Variants in DLG2 observed in about 807,000 individuals in gnomAD.
DLG2 encodes the protein discs large MAGUK scaffold protein 2.
A neutral mutation model predicts 132.5 loss-of-function variants in DLG2; 45 were observed. The ratio of observed to expected loss-of-function variants is 0.34; its 90% CI spans 0.27 to 0.44. The LOEUF is 0.44. Ranked by LOEUF, DLG2 falls within the 20% of genes least tolerant of loss-of-function variation. The pLI is 1.00. For synonymous variants in DLG2, 424 were observed against 419.6 expected (o/e 1.01, Z -0.13); for missense variants, 1,045 against 1,196.9 (o/e 0.87, Z 1.87).
chr11:83,950,922 C>T (rs190911199), intron 14 of DLG2, among the ~76,000 whole-genome samples: 2 of 152,100 alleles, frequency 1.3e-5, no homozygotes, highest in Non-Finnish European at 2.9e-5. Context: ...GCCTGCCCCC[C>T]CCTCCACACT....
chr11:85,020,701 G>T (rs527844862), intron 6 of DLG2: 1 of 528,334 alleles, frequency 1.9e-6, no homozygotes, highest in Non-Finnish European at 3.6e-6. Context: ...AAATGGTGCT[G>T]GGAAAACTGG....
At chr11:84,128,042 T>C (rs549798916) in intron 9 of DLG2, among the ~76,000 whole-genome samples, 1 of 152,334 alleles carries the variant, frequency 6.6e-6, no homozygotes, top group Admixed American at 6.5e-5. Flanking sequence ...CAATGTTTGC[T>C]CAAAGGAGGC....
intron 7 of DLG2, among the ~76,000 whole-genome samples, chr11:84,491,078 A>G (rs2099163856): frequency 6.6e-6 from 1 of 152,028 alleles, no homozygotes. Context: ...CCACTCCCCA[A>G]CATAAAATCT....
intron 6 of DLG2, among the ~76,000 whole-genome samples, chr11:84,569,132 T>G (rs1194913979): frequency 6.6e-6 from 1 of 152,106 alleles, no homozygotes; most frequent in Non-Finnish European, 1.5e-5. Context: ...CCTACCAGTG[T>G]CAGAGCAAAG....
intron 6 of DLG2, among the ~76,000 whole-genome samples, chr11:85,042,462 C>G (rs1054402433): frequency 2.7e-5 from 4 of 148,490 alleles, no homozygotes; most frequent in Admixed American, 1.3e-4. Flanking sequence ...TTAGTGAAAA[C>G]TAAGATTTAA....
At chr11:85,572,581 C>G (rs118130994) in intron 3 of DLG2, among the ~76,000 whole-genome samples, 1 of 152,114 alleles carries the variant, frequency 6.6e-6, no homozygotes, top group South Asian at 2.1e-4. Flanking sequence ...ATGCATTTAT[C>G]TTTCTTTGCA....
intron 22 of DLG2, among the ~76,000 whole-genome samples, chr11:83,477,403 T>G (rs10501540): frequency 0.37 from 55,799 of 152,012 alleles, 10,317 homozygotes; most frequent in Middle Eastern, 0.46. Flanking sequence ...TGGTGCTAAA[T>G]ATAGTTGGAA....
At chr11:84,201,954 G>T (rs969397469) in intron 8 of DLG2, among the ~76,000 whole-genome samples, 1 of 150,516 alleles carries the variant, frequency 6.6e-6, no homozygotes, top group Non-Finnish European at 1.5e-5. Context: ...GAGTAGCTGG[G>T]ACTACAGGTG....
intron 4 of DLG2, among the ~76,000 whole-genome samples, chr11:85,253,939 T>C (rs2076533679): frequency 2.6e-5 from 4 of 152,068 alleles, no homozygotes; most frequent in Admixed American, 2.6e-4. Context: ...TCAAGCCACT[T>C]CTCTCCAACA....
At position 83,633,199 on chromosome 11, in the gene DLG2, T is replaced by C. The variant is rs2063879709; in HGVS notation, c.1940+12A>G. 5 of 1,611,860 alleles carry C rather than the reference T, an allele frequency of 3.1e-6. No individual in the cohort carries two copies. In the South Asian group the frequency reaches 5.5e-5, roughly 18 times the overall value. ...TCACAAAGTGCAGATAGAGAAATAC[T>C]CCTTTGCCTACCTGACGTAGAGGGA... On this transcript the variant is annotated intron_variant, in intron 19 of 27. Coordinates refer to ENST00000376104, the MANE Select transcript of DLG2 (RefSeq NM_001142699.3).
chr11:84,993,863 G>GT (rs2057382015), intron 6 of DLG2, among the ~76,000 whole-genome samples: 2 of 152,146 alleles, frequency 1.3e-5, no homozygotes, highest in South Asian at 4.2e-4. Flanking sequence ...ATCAGTGTAC[G>GT]TTTATTCATC....
At chr11:83,766,086 C>A (rs2094129761) in intron 18 of DLG2, among the ~76,000 whole-genome samples, 1 of 147,840 alleles carries the variant, frequency 6.8e-6, no homozygotes, top group African/African-American at 2.6e-5. Context: ...TGGGAGATTC[C>A]ACTGAATGCT....
At chr11:83,900,317 A>G (rs771725124) in intron 15 of DLG2, among the ~76,000 whole-genome samples, 14 of 152,232 alleles carry the variant, frequency 9.2e-5, no homozygotes, top group Non-Finnish European at 1.9e-4. Flanking sequence ...AGAAATGTGC[A>G]TAAGTAATGA....
intron 6 of DLG2, among the ~76,000 whole-genome samples, chr11:84,716,642 T>C (rs765187055): frequency 2.0e-5 from 3 of 151,412 alleles, no homozygotes; most frequent in African/African-American, 7.3e-5. Flanking sequence ...GAAGACCTCC[T>C]TCCCCATGGC....
chr11:84,621,517 T>G (rs1228217883), intron 6 of DLG2, among the ~76,000 whole-genome samples: 1 of 152,206 alleles, frequency 6.6e-6, no homozygotes, highest in Non-Finnish European at 1.5e-5. Context: ...ACGCCTCATT[T>G]GTTCACTCGC....
chr11:85,415,531 G>A (rs2089755124), intron 3 of DLG2, among the ~76,000 whole-genome samples: 1 of 152,072 alleles, frequency 6.6e-6, no homozygotes, highest in Non-Finnish European at 1.5e-5. Flanking sequence ...GTTGTTTCCT[G>A]ACTTTTTAAT....
chr11:83,526,584 A>G (rs1481149641), intron 21 of DLG2, among the ~76,000 whole-genome samples: 1 of 152,200 alleles, frequency 6.6e-6, no homozygotes, highest in African/African-American at 2.4e-5. Context: ...GCATTAGCCC[A>G]GAGAAAATCA....
At chr11:84,498,296 A>C (rs971694215) in intron 7 of DLG2, among the ~76,000 whole-genome samples, 1 of 152,188 alleles carries the variant, frequency 6.6e-6, no homozygotes, top group Non-Finnish European at 1.5e-5. Context: ...GACACTATGT[A>C]ATAAGTACTT....
chr11:83,637,823 A>C (rs2065255232), intron 18 of DLG2, among the ~76,000 whole-genome samples: 1 of 152,116 alleles, frequency 6.6e-6, no homozygotes, highest in African/African-American at 2.4e-5. Flanking sequence ...TCTATTCCCA[A>C]ACCTCAGGGT....
Sources: gnomAD v4.1 joint callset for allele counts (sites outside exome capture counted in the v4.1 genomes callset) on GRCh38, gnomAD v4.1.1 for gene constraint, MANE v1.5 for transcripts, NCBI Gene and HGNC (gene_info 2026-07-23, HGNC 2026-07-21) for gene names.